The following LENG8 variants were observed in gnomAD, a reference collection of about 807,000 sequenced individuals.
LENG8 encodes leukocyte receptor cluster member 8.
In LENG8, 28 loss-of-function variants were observed where a neutral mutation model predicts 102.1. The ratio of observed to expected loss-of-function variants is 0.27; its 90% CI spans 0.20 to 0.38. LENG8 has a LOEUF of 0.38. Ranked by LOEUF, LENG8 falls within the 10% of genes least tolerant of loss-of-function variation. LENG8 has a pLI of 1.00. For missense variants in LENG8, 1,022 were observed against 1,113.9 expected, an observed-to-expected ratio of 0.92 and a Z score of 1.17; for synonymous variants, 531 against 456.7, an observed-to-expected ratio of 1.16 and a Z score of -2.07.
At chr19:54,455,200 A>G (rs1375169675) in intron 7 of LENG8, 108 bp downstream of exon 7, 11 of 1,533,900 alleles carry the variant, frequency 7.2e-6, no homozygotes, top group Non-Finnish European at 9.9e-6. Flanking sequence ...TGCGCCTCTG[A>G]AAAGGGCAGA....
Position 54,458,165 on chromosome 19 carries a change from G to T in LENG8, c.1965G>T (p.Leu655Phe). The T allele has an allele frequency of 6.2e-7, 1 of 1,614,200 alleles. No homozygotes were observed. Among genetic ancestry groups the T allele is most frequent in the Non-Finnish European group, 8.5e-7 (1 of 1,180,044 alleles). ...TCAAGTCGCTGTACGCCGAGAACTT[G>T]CCTGGCAATGTGGGCGAGTTTACTG... ...TQLKSLYAENLPGNVGEFTAY... is the reference protein window; with the variant it reads ...TQLKSLYAENFPGNVGEFTAY... The change falls in exon 14 of 16, where the codon TTG becomes TTT. Residue 655 changes from leucine (L) to phenylalanine (F), a missense_variant. This residue lies in a region of LENG8 where 158 missense variants were observed against 229.0 expected (regional missense o/e 0.69). Transcript: ENST00000326764.
chr19:54,451,224 T>A, intron 1 of LENG8, 66 bp from the exon 2 acceptor site: 1 of 1,040,290 alleles, frequency 9.6e-7, no homozygotes, highest in East Asian at 2.4e-5. Context: ...TCTACTTTTC[T>A]TCCCCACTTT....
chr19:54,452,219 C>T lies in LENG8; in HGVS notation c.165C>T (p.Ala55=), dbSNP rs375245604. Residue 55 remains alanine, a synonymous_variant, in exon 3 of 16, where the codon GCC becomes GCT. Transcript: ENST00000326764. ...ALASISKSGA[A]GGSAKSSSNG... Reference sequence around the variant, plus strand: ...CCAGCATCAGCAAGTCAGGAGCTGCCGGCGGCTCTGCCAAGTCCAGCAGCA... The same window carrying T: ...CCAGCATCAGCAAGTCAGGAGCTGCTGGCGGCTCTGCCAAGTCCAGCAGCA... 3.8e-5 allele frequency: 62 copies of T among 1,613,706 alleles called. No homozygotes were observed. Among genetic ancestry groups the T allele is most frequent in the East Asian group, 1.1e-4 (5 of 44,890 alleles).
rs945031642 is a variant in LENG8, at chr19:54,457,625, G to A, written c.1732-122G>A. ...CAAAGTGCTGGGATTACAGGCGTGA[G>A]CCACTGCGCCTGGCCTTTTTTTTCT... On this transcript the variant is annotated intron_variant, in intron 11 of 15. Transcript: ENST00000326764. 20 of 739,538 alleles carry A rather than the reference G, an allele frequency of 2.7e-5. No individual in the cohort carries two copies. In the African/African-American group the frequency reaches 2.9e-4, roughly 11 times the overall value. The allele number at this position is 739,538 out of a possible 1,614,324, so 45.8% of individuals were successfully genotyped here.
chr19:54,451,034 G>A (rs1465226713), intron 1 of LENG8, among the ~76,000 whole-genome samples: 1 of 152,070 alleles, frequency 6.6e-6, no homozygotes, highest in Non-Finnish European at 1.5e-5. Flanking sequence ...TTCCCTTTGG[G>A]AAGTCTGCTC....
intron 15 of LENG8, chr19:54,459,858 G>C: frequency 8.6e-7 from 1 of 1,164,864 alleles, no homozygotes; most frequent in Non-Finnish European, 1.1e-6. Flanking sequence ...GCAGGAGGCT[G>C]CTTAGTCTGC....
At chr19:54,458,673 C>G in intron 15 of LENG8, 152 bp downstream of exon 15, 1 of 1,552,092 alleles carries the variant, frequency 6.4e-7, no homozygotes, top group South Asian at 1.2e-5. Context: ...TTCAGCCCTC[C>G]CCTCTCCAGT....
chr19:54,455,965 A>G lies in LENG8; in HGVS notation c.1026-2A>G, dbSNP rs1369470656. 1 of 1,610,734 alleles carries G rather than the reference A, an allele frequency of 6.2e-7. No homozygotes were observed. Among genetic ancestry groups the G allele is most frequent in the Admixed American group, 1.7e-5 (1 of 59,636 alleles). On this transcript the variant is annotated splice_acceptor_variant, in intron 8 of 15. Transcript: ENST00000326764. LOFTEE classifies it high-confidence loss of function. Reference sequence around the variant, plus strand: ...TGACGCCCTGCCCTGCTGTATTCTCAGGCTGACCCGGGAGCCTGTGGCTGA... The same window carrying G: ...TGACGCCCTGCCCTGCTGTATTCTCGGGCTGACCCGGGAGCCTGTGGCTGA...
intron 15 of LENG8, chr19:54,460,147 G>A (rs1049957050): frequency 9.3e-6 from 12 of 1,289,872 alleles, no homozygotes; most frequent in African/African-American, 3.0e-5. Context: ...GAGCAGAAGC[G>A]GGTTCTAGGA....
At position 54,461,477 on chromosome 19, in the gene LENG8, C is replaced by G. The variant is rs763745681; in HGVS notation, c.*549C>G. Reference sequence around the variant, plus strand: ...TAGAGACTGTGCCCGTCCTCGGCCCCCCACCCTGAAGTGCCAGCACCACCA... The same window carrying G: ...TAGAGACTGTGCCCGTCCTCGGCCCGCCACCCTGAAGTGCCAGCACCACCA... On this transcript the variant is annotated 3_prime_UTR_variant, in exon 16 of 16. Transcript: ENST00000326764. The G allele has an allele frequency of 2.2e-6, 1 of 464,132 alleles. No homozygotes were observed. The highest frequency in any genetic ancestry group is 1.6e-5 in the South Asian group (1 of 64,192). The allele number at this position is 464,132 out of a possible 1,614,324, so 28.8% of individuals were successfully genotyped here.
intron 10 of LENG8, 77 bp downstream of exon 10, chr19:54,456,542 G>GGGCCGGACAGGT: frequency 1.3e-6 from 2 of 1,536,782 alleles, no homozygotes; most frequent in Non-Finnish European, 1.7e-6. Context: ...AGGAGGAGGA[G>GGGCCGGACAGGT]GGCCGGACAG....
In LENG8 at chr19:54,456,255, C is replaced by T; in HGVS notation, c.1304+10C>T. 5 of 1,614,010 alleles carry T rather than the reference C, an allele frequency of 3.1e-6. No homozygotes were observed. Among genetic ancestry groups the T allele is most frequent in the Non-Finnish European group, 4.2e-6 (5 of 1,179,936 alleles). On this transcript the variant is annotated intron_variant, in intron 9 of 15. Coordinates refer to ENST00000326764, the MANE Select transcript of LENG8 (RefSeq NM_052925.4). ...GCCACTTCCGCAGAAGGTACTGAGG[C>T]TCCCGGCTGGGGCTGTGTGTGAGGG... is the stretch of plus-strand genomic sequence containing the variant.
chr19:54,451,331 A>G lies in LENG8; in HGVS notation c.-14A>G. The G allele has an allele frequency of 1.2e-6, 2 of 1,614,044 alleles. No homozygotes were observed. The highest frequency in any genetic ancestry group is 1.7e-6 in the Non-Finnish European group (2 of 1,179,982). On this transcript the variant is annotated 5_prime_UTR_variant, in exon 2 of 16. In the 5' UTR this introduces an upstream ATG that the reference lacks. Transcript: ENST00000326764. ...CTGGCTCCCGAGGTCCACCCCTTAT[A>G]CCCCAAGGTCCAGATGGCGGCCAAC...
intron 15 of LENG8, chr19:54,459,159 G>A: frequency 8.0e-7 from 1 of 1,245,018 alleles, no homozygotes; most frequent in Non-Finnish European, 1.0e-6. Context: ...GAGGTGCCCA[G>A]GCGACGCTGG....
Position 54,455,008 on chromosome 19 carries a change from C to G in LENG8, c.737C>G (p.Thr246Ser). The change falls in exon 7 of 16, where the codon ACC becomes AGC. Residue 246 changes from threonine to serine, a missense_variant. By Grantham distance (58) the Thr-to-Ser change is moderately conservative. Around this residue, in one of 7 missense-constraint regions of LENG8, gnomAD observed 343 missense variants for 320.2 expected, o/e 1.07. Coordinates refer to ENST00000326764, the MANE Select transcript of LENG8 (RefSeq NM_052925.4). ...ATCCAGAAGCGACCCTTTGCTGTTA[C>G]CACCCAGAGCTTTGGCTCCAACGCA... Reference protein sequence around the residue: ...FNIQKRPFAVTTQSFGSNAEG... With the variant: ...FNIQKRPFAVSTQSFGSNAEG... The G allele has an allele frequency of 6.2e-7, 1 of 1,614,224 alleles. No homozygotes were observed. Among genetic ancestry groups the G allele is most frequent in the Non-Finnish European group, 8.5e-7 (1 of 1,180,046 alleles).
rs922503535 is a variant in LENG8, at chr19:54,456,373, C to G, written c.1353C>G (p.His451Gln). The change falls in exon 10 of 16, where the codon CAC becomes CAG. Residue 451 changes from histidine (H) to glutamine (Q), a missense_variant. His to Gln is a conservative substitution (Grantham distance 24). This residue lies in a region of LENG8 where 326 missense variants were observed against 324.5 expected (regional missense o/e 1.00). Coordinates refer to ENST00000326764, the MANE Select transcript of LENG8 (RefSeq NM_052925.4). ...SDSSYSGNECHPVGRRNPPPK... is the reference protein window; with the variant it reads ...SDSSYSGNECQPVGRRNPPPK... Reference sequence around the variant, plus strand: ...GCTCCTACTCAGGGAATGAGTGTCACCCTGTGGGCCGCAGGAACCCGCCCC... The same window carrying G: ...GCTCCTACTCAGGGAATGAGTGTCAGCCTGTGGGCCGCAGGAACCCGCCCC... The G allele has an allele frequency of 1.9e-6, 3 of 1,613,104 alleles. No homozygotes were observed. The highest frequency in any genetic ancestry group is 2.5e-6 in the Non-Finnish European group (3 of 1,179,994).
At chr19:54,449,490 T>TCGGGCACTAGCGCGCGTG (rs2083834815) in intron 1 of LENG8, 180 bp downstream of exon 1, 1 of 151,994 alleles carries the variant, frequency 6.6e-6, no homozygotes, top group African/African-American at 2.4e-5. Context: ...GGCCGCGCGT[T>TCGGGCACTAGCGCGCGTG]CGGGCACTAG....
chr19:54,460,709 G>A, intron 15 of LENG8, 57 bp from the exon 16 acceptor site: 2 of 1,429,148 alleles, frequency 1.4e-6, no homozygotes, highest in Non-Finnish European at 1.8e-6. Context: ...CGCTCGTGGG[G>A]CCCTCCCCTG....
At chr19:54,460,645 C>T in intron 15 of LENG8, 121 bp from the exon 16 acceptor site, 4 of 1,438,028 alleles carry the variant, frequency 2.8e-6, no homozygotes, top group South Asian at 1.5e-5. Flanking sequence ...GGTGGGGAGC[C>T]AGCAGGCACT....
Sources: allele counts gnomAD v4.1 joint callset (sites outside exome capture counted in the v4.1 genomes callset), GRCh38; gene constraint gnomAD v4.1.1; regional missense constraint gnomAD v4.1.1; transcripts MANE v1.5; gene names NCBI Gene and HGNC (gene_info 2026-07-23, HGNC 2026-07-21).